The following AKAP6 variants were observed in gnomAD, a reference collection of about 807,000 sequenced individuals.
AKAP6 encodes A-kinase anchoring protein 6.
In AKAP6, 58 loss-of-function variants were observed where a neutral mutation model predicts 188.5. That is an observed-to-expected ratio of 0.31 (90% CI 0.25 to 0.38). The LOEUF is 0.38. Among genes scored for constraint, AKAP6 ranks in the 10% least tolerant of loss-of-function variants. The probability of loss-of-function intolerance (pLI) is 1.00; values close to 1 mark genes in which losing one functional copy is unlikely to be tolerated. For synonymous variants in AKAP6, 989 were observed against 998.6 expected, an observed-to-expected ratio of 0.99 and a Z score of 0.18; for missense variants, 2,710 against 2,740.0, an observed-to-expected ratio of 0.99 and a Z score of 0.24.
intron 11 of AKAP6, among the ~76,000 whole-genome samples, chr14:32,770,057 T>A: frequency 6.6e-6 from 1 of 152,224 alleles, no homozygotes; most frequent in East Asian, 1.9e-4. Flanking sequence ...ATAATATGAT[T>A]GGTTTAAACA....
chr14:32,606,390 A>G lies in AKAP6; in HGVS notation c.2730+5598A>G, dbSNP rs562551142. On this transcript the variant is annotated intron_variant, in intron 7 of 13. Coordinates refer to ENST00000280979, the MANE Select transcript of AKAP6 (RefSeq NM_004274.5). ...GCAAGAAAGCATCTTTAAATTTTAT[A>G]CATTGTCTCCTTTAAAATGTTCTTA... is the stretch of plus-strand genomic sequence containing the variant. Among the ~76,000 whole-genome samples, 3 of 152,274 alleles carry G rather than the reference A, an allele frequency of 2.0e-5. No individual in the cohort carries two copies. In the South Asian group the frequency reaches 6.2e-4, roughly 32 times the overall value.
chr14:32,453,684 C>T (rs1312672203), intron 2 of AKAP6, among the ~76,000 whole-genome samples: 2 of 143,142 alleles, frequency 1.4e-5, no homozygotes, highest in Non-Finnish European at 3.0e-5. Context: ...GCAAGCTCCG[C>T]CTCCCGGGTT....
intron 12 of AKAP6, among the ~76,000 whole-genome samples, chr14:32,799,519 T>A: frequency 6.6e-6 from 1 of 152,220 alleles, no homozygotes; most frequent in East Asian, 1.9e-4. Context: ...ATTTTTGTTT[T>A]TATTTAGTTC....
At chr14:32,448,232 A>C (rs1230324085) in intron 2 of AKAP6, among the ~76,000 whole-genome samples, 1 of 152,180 alleles carries the variant, frequency 6.6e-6, no homozygotes, top group African/African-American at 2.4e-5. Flanking sequence ...AGCGGAGGGA[A>C]CTACAGAGTA....
Position 32,821,696 on chromosome 14 carries a change from G to A in AKAP6, c.3883G>A (p.Glu1295Lys), listed in dbSNP as rs1566735325. ...IYQVYSLHNV[E>K]LYEDNHMPFL... ...CCAGGTGTACAGCCTCCACAATGTT[G>A]AACTCTATGAGGACAACCACATGCC... Residue 1295 changes from glutamate to lysine, a missense_variant, in exon 13 of 14, where the codon GAA becomes AAA. This residue lies in a region of AKAP6 where 2,473 missense variants were observed against 2,426.1 expected (regional missense o/e 1.02). Transcript: ENST00000280979. 6.2e-7 allele frequency: 1 copy of A among 1,613,694 alleles called. No individual in the cohort carries two copies.
intron 3 of AKAP6, among the ~76,000 whole-genome samples, chr14:32,540,168 C>CTCTCTACA (rs1240063339): frequency 3.3e-5 from 2 of 60,956 alleles, no homozygotes; most frequent in Non-Finnish European, 5.3e-5. Context: ...CTCTCTCTCT[C>CTCTCTACA]TATATATATA....
At chr14:32,359,071 G>A (rs542357109) in intron 1 of AKAP6, among the ~76,000 whole-genome samples, 2 of 152,288 alleles carry the variant, frequency 1.3e-5, no homozygotes, top group South Asian at 2.1e-4. Flanking sequence ...TGGATTCTAA[G>A]TGCTGCGTGG....
intron 12 of AKAP6, among the ~76,000 whole-genome samples, chr14:32,774,248 A>G (rs1055998098): frequency 6.6e-6 from 1 of 152,234 alleles, no homozygotes; most frequent in Non-Finnish European, 1.5e-5. Flanking sequence ...TTCATTAATC[A>G]TACAATAACC....
At chr14:32,385,810 C>T (rs540621206) in intron 1 of AKAP6, among the ~76,000 whole-genome samples, 77 of 150,204 alleles carry the variant, frequency 5.1e-4, no homozygotes, top group African/African-American at 9.0e-4. Flanking sequence ...TATGATATAT[C>T]GTATTCCTAT....
chr14:32,732,332 C>T, intron 9 of AKAP6, 122 bp from the exon 10 acceptor site: 1 of 1,023,818 alleles, frequency 9.8e-7, no homozygotes, highest in Non-Finnish European at 1.4e-6. Flanking sequence ...GTTTAGCCTC[C>T]CCATAAATTT....
chr14:32,683,182 C>T (rs969938710), intron 8 of AKAP6, among the ~76,000 whole-genome samples: 4 of 151,930 alleles, frequency 2.6e-5, no homozygotes, highest in East Asian at 1.9e-4. Flanking sequence ...TTAGTAGAGA[C>T]GGGGTTTCGT....
At chr14:32,360,424 G>C (rs1030684490) in intron 1 of AKAP6, among the ~76,000 whole-genome samples, 4 of 152,076 alleles carry the variant, frequency 2.6e-5, no homozygotes, top group African/African-American at 9.7e-5. Flanking sequence ...ACCGCGCCTG[G>C]CCTATCCTCT....
rs115416179 is a variant in AKAP6 at position 32,554,787 on chromosome 14, G to C, written c.2346+7788G>C. On this transcript the variant is annotated intron_variant, in intron 4 of 13. Coordinates refer to ENST00000280979, the MANE Select transcript of AKAP6 (RefSeq NM_004274.5). ...GGGAGCTGACAGAAAGCAGCACAGGGTATGCCATCTCAGTGAAGCATTTCA... is the reference window on the plus strand; with the variant it reads ...GGGAGCTGACAGAAAGCAGCACAGGCTATGCCATCTCAGTGAAGCATTTCA... Among the ~76,000 whole-genome samples the C allele has an allele frequency of 2.3e-3, 350 of 152,282 alleles. 2 individuals are homozygous for C. Among genetic ancestry groups the C allele is most frequent in the African/African-American group, 8.0e-3 (331 of 41,548 alleles).
At chr14:32,455,085 C>T (rs933747207) in intron 2 of AKAP6, among the ~76,000 whole-genome samples, 1 of 151,110 alleles carries the variant, frequency 6.6e-6, no homozygotes, top group Non-Finnish European at 1.5e-5. Flanking sequence ...CCCACCTCAG[C>T]CTCCTGAGTA....
At chr14:32,329,723 CAGTATTTA>C (rs1211036485) in intron 1 of AKAP6, among the ~76,000 whole-genome samples, 1 of 152,040 alleles carries the variant, frequency 6.6e-6, no homozygotes, top group East Asian at 1.9e-4. Context: ...GAGTAGTTAA[CAGTATTTA>C]AGCATTGTAA....
chr14:32,798,444 T>C (rs908279574), intron 12 of AKAP6, among the ~76,000 whole-genome samples: 1 of 152,166 alleles, frequency 6.6e-6, no homozygotes, highest in African/African-American at 2.4e-5. Context: ...ACAGAAGTAT[T>C]CACAATAGCA....
Position 32,535,659 on chromosome 14 carries a change from A to T in AKAP6, c.430A>T (p.Ile144Phe). Residue 144 changes from isoleucine (I) to phenylalanine (F), a missense_variant, in exon 3 of 14, where the codon ATC becomes TTC. Ile to Phe is a conservative substitution (Grantham distance 21, BLOSUM62 0). Transcript: ENST00000280979. ...LSYSVNVIVD[I>F]HAVQLLWHQL... ...TTACTCTGTCAACGTGATAGTGGAC[A>T]TCCACGCAGTGCAGCTCCTCTGGCA... 1.9e-6 allele frequency: 3 copies of T among 1,614,242 alleles called. No individual in the cohort carries two copies. Among genetic ancestry groups the T allele is most frequent in the Non-Finnish European group, 2.5e-6 (3 of 1,180,018 alleles).
chr14:32,399,854 A>G (rs1266336174), intron 1 of AKAP6, among the ~76,000 whole-genome samples: 1 of 152,164 alleles, frequency 6.6e-6, no homozygotes, highest in Non-Finnish European at 1.5e-5. Context: ...TGATAATTCT[A>G]TTATGTGAAG....
rs2033676518 is a variant in AKAP6, at chr14:32,793,651, A to G, written c.3588+19758A>G. ...AAATTAGCAAAGATACTCAGGACCC[A>G]AACTCAGCTCTGGATCAAGTGGACC... On this transcript the variant is annotated intron_variant, in intron 12 of 13. Transcript: ENST00000280979. Among the ~76,000 whole-genome samples the G allele has an allele frequency of 2.0e-5, 3 of 151,948 alleles. No homozygotes were observed. The South Asian group carries it at 6.2e-4, about 32-fold the overall frequency.
Sources: gnomAD v4.1 joint callset for allele counts (sites outside exome capture counted in the v4.1 genomes callset) on GRCh38, gnomAD v4.1.1 for gene constraint, gnomAD v4.1.1 regional missense constraint, MANE v1.5 for transcripts, NCBI Gene and HGNC (gene_info 2026-07-23, HGNC 2026-07-21) for gene names.